Variants in OPRM1 observed in about 807,000 individuals in gnomAD.
The protein encoded by OPRM1 is opioid receptor mu 1.
A neutral mutation model predicts 31.8 loss-of-function variants in OPRM1; 27 were observed. The observed-to-expected ratio is 0.85, with a 90% CI of 0.63 to 1.17. The LOEUF (loss-of-function observed/expected upper bound fraction) is 1.17, where lower values mean the gene tolerates loss of function less well. OPRM1 is among the 50% of genes most tolerant of loss of function. The probability of loss-of-function intolerance (pLI) is 0.00; values close to 1 mark genes in which losing one functional copy is unlikely to be tolerated. For synonymous variants in OPRM1, 196 were observed against 189.9 expected (o/e 1.03, Z -0.26); for missense variants, 536 against 511.1 (o/e 1.05, Z -0.47).
intron 3 of OPRM1, chr6:154,217,565 T>C (rs1401272915): frequency 6.6e-6 from 1 of 151,020 alleles, no homozygotes; most frequent in African/African-American, 2.4e-5. Context: ...CTAGGGAGGG[T>C]AGTTGAATTA....
rs1172941825 is a variant in OPRM1, at chr6:154,016,448, C to A, written c.-1+5430C>A. Reference sequence around the variant, plus strand: ...AGAGAATATACTGTTAATACATATACATATCTGTTTACGGTAACAATTTAT... The same window carrying A: ...AGAGAATATACTGTTAATACATATAAATATCTGTTTACGGTAACAATTTAT... On this transcript the variant is annotated intron_variant, in intron 1 of 5. Coordinates refer to the OPRM1 transcript ENST00000434900. 3.9e-5 allele frequency among the ~76,000 whole-genome samples: 6 copies of A among 152,126 alleles called. No homozygotes were observed. The East Asian group carries it at 9.6e-4, about 24-fold the overall frequency.
At chr6:154,110,503 G>A in intron 3 of OPRM1, 1 of 811,514 alleles carries the variant, frequency 1.2e-6, no homozygotes, top group Non-Finnish European at 2.0e-6. Flanking sequence ...ATTTGTGTGA[G>A]TTTTTCATCC....
intron 3 of OPRM1, among the ~76,000 whole-genome samples, chr6:154,146,068 T>C (rs1182999883): frequency 2.0e-5 from 3 of 152,236 alleles, no homozygotes; most frequent in Non-Finnish European, 2.9e-5. Context: ...TCAGTGGTTT[T>C]ACAAAGAGAC....
At chr6:154,113,131 T>C (rs549963239) in intron 3 of OPRM1, among the ~76,000 whole-genome samples, 5 of 152,334 alleles carry the variant, frequency 3.3e-5, no homozygotes, top group African/African-American at 1.2e-4. Flanking sequence ...CAATGACCCA[T>C]TTACAATCAG....
chr6:154,037,796 A>G (rs142734722), upstream of OPRM1, among the ~76,000 whole-genome samples: 3 of 152,236 alleles, frequency 2.0e-5, no homozygotes, highest in Admixed American at 6.5e-5. Flanking sequence ...GTAAAGTAAC[A>G]TGTCCAAACT....
chr6:154,089,823 T>G lies in OPRM1; in HGVS notation c.291-3T>G, dbSNP rs371723278. ...TTCTCACTCTTCTTCCTTTATCTCCTAGATACACCAAGATGAAGACTGCCA... is the reference window on the plus strand; with the variant it reads ...TTCTCACTCTTCTTCCTTTATCTCCGAGATACACCAAGATGAAGACTGCCA... On this transcript the variant is annotated splice_region_variant and splice_polypyrimidine_tract_variant and intron_variant, in intron 1 of 3. Transcript: ENST00000330432. 5 of 1,604,412 alleles carry G rather than the reference T, an allele frequency of 3.1e-6. No individual in the cohort carries two copies. The South Asian group carries it at 5.5e-5, about 18-fold the overall frequency.
intron 3 of OPRM1, among the ~76,000 whole-genome samples, chr6:154,145,424 T>C (rs1316321185): frequency 1.3e-5 from 2 of 152,192 alleles, no homozygotes; most frequent in African/African-American, 2.4e-5. Flanking sequence ...ACTCAAAAAA[T>C]GAAATAGGTG....
intron 1 of OPRM1, among the ~76,000 whole-genome samples, chr6:154,021,630 A>T (rs955582139): frequency 6.6e-6 from 1 of 152,190 alleles, no homozygotes; most frequent in African/African-American, 2.4e-5. Flanking sequence ...TAATTTCTTC[A>T]TCAGAGTTTT....
intron 3 of OPRM1, among the ~76,000 whole-genome samples, chr6:154,118,290 A>G (rs1413161607): frequency 6.6e-6 from 1 of 152,212 alleles, no homozygotes; most frequent in Non-Finnish European, 1.5e-5. Flanking sequence ...AGAAGTACTG[A>G]AAAAAACATC....
Position 154,127,520 on chromosome 6 carries a change from A to C in OPRM1, c.*8799A>C, listed in dbSNP as rs1797660675. On this transcript the variant is annotated 3_prime_UTR_variant, in exon 4 of 4. Coordinates refer to ENST00000330432, the MANE Select transcript of OPRM1 (RefSeq NM_000914.5). The stretch of plus-strand genomic sequence containing the variant: ...TTTGTCATCACACAGATACACGCTC[A>C]GGATAAGAACTACCAGACTAGATTA... Among the ~76,000 whole-genome samples, 1 of 152,208 alleles carries C rather than the reference A, an allele frequency of 6.6e-6. No individual in the cohort carries two copies. The highest frequency in any genetic ancestry group is 2.4e-5 in the African/African-American group (1 of 41,452).
intron 3 of OPRM1, chr6:154,213,165 G>T (rs1469102237): frequency 3.3e-6 from 1 of 304,036 alleles, no homozygotes; most frequent in East Asian, 6.6e-5. Context: ...CACAAAATCA[G>T]TGGTGATTAA....
At chr6:154,221,107 C>T (rs998974493) in intron 3 of OPRM1, 10 of 600,094 alleles carry the variant, frequency 1.7e-5, no homozygotes, top group South Asian at 1.3e-4. Context: ...GAAGAAAGCA[C>T]GAAGGCATTG....
chr6:154,152,427 G>A (rs1045427076), intron 3 of OPRM1, among the ~76,000 whole-genome samples: 10 of 151,766 alleles, frequency 6.6e-5, no homozygotes, highest in Non-Finnish European at 1.0e-4. Flanking sequence ...ACACAGGTCA[G>A]GACCAATGAA....
At chr6:154,225,531 C>G (rs893893721) in intron 3 of OPRM1, among the ~76,000 whole-genome samples, 1 of 152,146 alleles carries the variant, frequency 6.6e-6, no homozygotes, top group African/African-American at 2.4e-5. Context: ...ATGAAATATC[C>G]AGAAGTGGAA....
chr6:154,169,818 G>A (rs548008532), intron 3 of OPRM1, among the ~76,000 whole-genome samples: 6 of 152,318 alleles, frequency 3.9e-5, no homozygotes, highest in African/African-American at 1.2e-4. Flanking sequence ...ATAAACATGT[G>A]CCTCTGGTCA....
intron 3 of OPRM1, among the ~76,000 whole-genome samples, chr6:154,100,194 A>G (rs866418854): frequency 1.6e-5 from 2 of 128,808 alleles, no homozygotes; most frequent in African/African-American, 2.8e-5. Context: ...ATGACATATC[A>G]TAATATATAT....
chr6:154,145,359 T>C (rs900808371), intron 3 of OPRM1, among the ~76,000 whole-genome samples: 4 of 152,262 alleles, frequency 2.6e-5, no homozygotes, highest in Non-Finnish European at 5.9e-5. Context: ...TATTTCTATA[T>C]GTTTGCAACG....
At chr6:154,175,240 C>T (rs1390279834) in intron 3 of OPRM1, among the ~76,000 whole-genome samples, 1 of 152,036 alleles carries the variant, frequency 6.6e-6, no homozygotes, top group African/African-American at 2.4e-5. Flanking sequence ...AAAATTGACA[C>T]CCTAACATCA....
intron 1 of OPRM1, chr6:154,087,049 A>T (rs1790756730): frequency 1.0e-6 from 1 of 983,884 alleles, no homozygotes; most frequent in Non-Finnish European, 1.2e-6. Context: ...CTAAAAGCAA[A>T]TTATTTTCTC....
Sources: allele counts gnomAD v4.1 joint callset (sites outside exome capture counted in the v4.1 genomes callset), GRCh38; gene constraint gnomAD v4.1.1; transcripts MANE v1.5; gene names NCBI Gene and HGNC (gene_info 2026-07-23, HGNC 2026-07-21).